Variants in MCOLN1 observed in about 807,000 individuals in gnomAD.
MCOLN1 encodes mucolipin-1.
MCOLN1 carries 50 observed loss-of-function variants against 70.3 expected under a neutral mutation model. The ratio of observed to expected loss-of-function variants is 0.71; its 90% CI spans 0.57 to 0.90. MCOLN1 has a LOEUF of 0.90. Among genes scored for constraint, MCOLN1 ranks in the 40% least tolerant of loss-of-function variants. The pLI, the probability that MCOLN1 is intolerant of heterozygous loss-of-function variation, is 0.00. For synonymous variants in MCOLN1, 366 were observed against 341.0 expected, an observed-to-expected ratio of 1.07 and a Z score of -0.81; for missense variants, 598 against 803.5, an observed-to-expected ratio of 0.74 and a Z score of 3.09.
intron 12 of MCOLN1, among the ~76,000 whole-genome samples, chr19:7,531,209 T>C (rs2022649319): frequency 6.7e-6 from 1 of 149,986 alleles, no homozygotes; most frequent in Non-Finnish European, 1.5e-5. Flanking sequence ...ATTATTATTA[T>C]TTTTTTTTTG....
At position 7,530,514 on chromosome 19, in the gene MCOLN1, C is replaced by T. The variant is rs1375971976; in HGVS notation, c.1575+13C>T. ...CGACACCATCAAGGTCAGCCGCATGCACCCAGCCCTGAGCTCGGGCTCTGG... is the reference window on the plus strand; with the variant it reads ...CGACACCATCAAGGTCAGCCGCATGTACCCAGCCCTGAGCTCGGGCTCTGG... On this transcript the variant is annotated intron_variant, in intron 12 of 13. Coordinates refer to ENST00000264079, the MANE Select transcript of MCOLN1 (RefSeq NM_020533.3). The T allele has an allele frequency of 1.1e-5, 18 of 1,605,912 alleles. No homozygotes were observed. Among genetic ancestry groups the T allele is most frequent in the East Asian group, 4.5e-5 (2 of 44,876 alleles).
At position 7,525,074 on chromosome 19, in the gene MCOLN1, T is replaced by C; in HGVS notation, c.145T>C (p.Phe49Leu). Reference protein sequence around the residue: ...EDLRRRLKYFFMSPCDKFRAK... With the variant: ...EDLRRRLKYFLMSPCDKFRAK... The stretch of plus-strand genomic sequence containing the variant: ...CCTTCGCCGTCGTCTCAAATACTTT[T>C]TCATGAGTCCCTGCGACAAGTTTCG... The change falls in exon 2 of 14, where the codon TTC becomes CTC. Residue 49 changes from phenylalanine (F) to leucine (L), a missense_variant. By Grantham distance (22) the Phe-to-Leu change is conservative (BLOSUM62 0). This residue lies in a region of MCOLN1 where 461 missense variants were observed against 588.4 expected (regional missense o/e 0.78). Transcript: ENST00000264079. This position sits in a 1 kb window ranked among gnomAD's most constrained non-coding sequence, Gnocchi z 4.2. 5.0e-6 allele frequency: 8 copies of C among 1,614,166 alleles called. No homozygotes were observed. The highest frequency in any genetic ancestry group is 1.1e-5 in the South Asian group (1 of 91,080).
chr19:7,527,783 G>A, intron 5 of MCOLN1, 81 bp from the exon 6 acceptor site: 1 of 1,257,202 alleles, frequency 8.0e-7, no homozygotes, highest in Non-Finnish European at 1.2e-6. Flanking sequence ...TGCAGAGTCA[G>A]CACGTGGCAG....
chr19:7,523,745 A>C (rs559678445), intron 1 of MCOLN1, among the ~76,000 whole-genome samples: 45 of 152,302 alleles, frequency 3.0e-4, no homozygotes, highest in African/African-American at 1.0e-3. Flanking sequence ...AAAAATAAAC[A>C]GTGATTAGAA....
chr19:7,528,820 G>A lies in MCOLN1; in HGVS notation c.985-1G>A. ...GCCCTCACCCCGCCTGCCTTCTGCA[G>A]GAGTTTGTGGGGTTCATGTGGCGGC... On this transcript the variant is annotated splice_acceptor_variant, in intron 8 of 13. Transcript: ENST00000264079. LOFTEE classifies it high-confidence loss of function. This position sits in a 1 kb window ranked among gnomAD's most constrained non-coding sequence, Gnocchi z 4.2. The A allele has an allele frequency of 6.2e-7, 1 of 1,614,246 alleles. No homozygotes were observed. The highest frequency in any genetic ancestry group is 8.5e-7 in the Non-Finnish European group (1 of 1,180,022).
chr19:7,526,399 C>T lies in MCOLN1; in HGVS notation c.238-40C>T, dbSNP rs763159155. 2 of 1,613,306 alleles carry T rather than the reference C, an allele frequency of 1.2e-6. No individual in the cohort carries two copies. Among genetic ancestry groups the T allele is most frequent in the South Asian group, 2.2e-5 (2 of 91,052 alleles). On this transcript the variant is annotated intron_variant, in intron 2 of 13. Coordinates refer to ENST00000264079, the MANE Select transcript of MCOLN1 (RefSeq NM_020533.3). This position sits in a 1 kb window ranked among gnomAD's most constrained non-coding sequence, Gnocchi z 4.6. ...GCCCTGAGGGAGATACACCCCAACCCCCATCCTAGCCATGCCAACCTCTAC... is the reference window on the plus strand; with the variant it reads ...GCCCTGAGGGAGATACACCCCAACCTCCATCCTAGCCATGCCAACCTCTAC...
At position 7,522,719 on chromosome 19, in the gene MCOLN1, T is replaced by C; in HGVS notation, c.-32T>C. ...CGATCGGACCCAGGCTGCCCCGCCG[T>C]ACCCGCCTGCGTCCCGCGCTCCCGC... is the stretch of plus-strand genomic sequence containing the variant. On this transcript the variant is annotated 5_prime_UTR_variant, in exon 1 of 14. Coordinates refer to ENST00000264079, the MANE Select transcript of MCOLN1 (RefSeq NM_020533.3). 2.1e-6 allele frequency: 3 copies of C among 1,451,944 alleles called. No homozygotes were observed. The highest frequency in any genetic ancestry group is 2.7e-5 in the South Asian group (2 of 74,050). 89.9% of individuals were successfully genotyped at this position (1,451,944 alleles called of 1,614,324 possible).
At position 7,524,977 on chromosome 19, in the gene MCOLN1, G is replaced by C. The variant is rs776627554; in HGVS notation, c.48G>C (p.Leu16=). 14 of 1,613,644 alleles carry C rather than the reference G, an allele frequency of 8.7e-6. 1 individual carries two copies. The Middle Eastern group carries it at 6.7e-4, about 77-fold the overall frequency. The change falls in exon 2 of 14, where the codon CTG becomes CTC. Residue 16 remains leucine, a synonymous_variant. Coordinates refer to ENST00000264079, the MANE Select transcript of MCOLN1 (RefSeq NM_020533.3). This position sits in a 1 kb window ranked among gnomAD's most constrained non-coding sequence, Gnocchi z 4.1. ...GPRGSETERL[L]TPNPGYGTQA... ...TTCCCACAGAGACCGAGCGGCTTCTGACCCCCAACCCCGGGTATGGGACCC... is the reference window on the plus strand; with the variant it reads ...TTCCCACAGAGACCGAGCGGCTTCTCACCCCCAACCCCGGGTATGGGACCC...
chr19:7,530,470 C>T lies in MCOLN1; in HGVS notation c.1544C>T (p.Ala515Val), dbSNP rs151300825. The change falls in exon 12 of 14, where the codon GCG becomes GTG. Residue 515 changes from alanine (A) to valine (V), a missense_variant. Ala to Val is a moderately conservative substitution (Grantham distance 64, BLOSUM62 0). Coordinates refer to ENST00000264079, the MANE Select transcript of MCOLN1 (RefSeq NM_020533.3). ...FIYMVLSLFI[A>V]LITGAYDTIK... The stretch of plus-strand genomic sequence containing the variant: ...TACATGGTGCTCAGCCTCTTCATCG[C>T]GCTCATCACCGGCGCCTACGACACC... 28 of 1,611,644 alleles carry T rather than the reference C, an allele frequency of 1.7e-5. No individual in the cohort carries two copies. The highest frequency in any genetic ancestry group is 5.3e-5 in the African/African-American group (4 of 74,936).
Position 7,528,264 on chromosome 19 carries a change from C to T in MCOLN1, c.877+7C>T, listed in dbSNP as rs750775589. The T allele has an allele frequency of 1.2e-6, 2 of 1,613,228 alleles. No individual in the cohort carries two copies. The highest frequency in any genetic ancestry group is 2.2e-5 in the East Asian group (1 of 44,858). On this transcript the variant is annotated splice_region_variant and intron_variant, in intron 7 of 13. Transcript: ENST00000264079. The surrounding 1 kb of genome is among the most constrained non-coding windows in gnomAD (Gnocchi z 4.2). ...CCCAGTGTCTTCCAGCACGGTGAGC[C>T]CCTGAGCCCCAGACCAGCACTGACC...
chr19:7,529,253 C>A, intron 10 of MCOLN1, 51 bp downstream of exon 10: 1 of 1,497,126 alleles, frequency 6.7e-7, no homozygotes, highest in Non-Finnish European at 9.2e-7. Context: ...TCCACACCCT[C>A]CAAATAAATC....
rs764530931 is a variant in MCOLN1 at position 7,533,527 on chromosome 19, C to G, written c.1580C>G (p.Pro527Arg). The G allele has an allele frequency of 5.0e-6, 8 of 1,610,772 alleles. No homozygotes were observed. The African/African-American group carries it at 1.1e-4, about 22-fold the overall frequency. The change falls in exon 13 of 14, where the codon CCC becomes CGC. Residue 527 changes from proline to arginine, a missense_variant. By Grantham distance (103) the Pro-to-Arg change is moderately radical. This residue lies in a region of MCOLN1 where 78 missense variants were observed against 156.2 expected (regional missense o/e 0.50). Coordinates refer to ENST00000264079, the MANE Select transcript of MCOLN1 (RefSeq NM_020533.3). Reference protein sequence around the residue: ...ITGAYDTIKHPGGAGAEESEL... With the variant: ...ITGAYDTIKHRGGAGAEESEL... The stretch of plus-strand genomic sequence containing the variant: ...CCTCCCGGCTTCTCTCCCCAGCATC[C>G]CGGCGGCGCAGGCGCAGAGGAGAGC...
chr19:7,524,905 A>G lies in MCOLN1; in HGVS notation c.32-56A>G. On this transcript the variant is annotated intron_variant, in intron 1 of 13. Transcript: ENST00000264079. The surrounding 1 kb of genome is among the most constrained non-coding windows in gnomAD (Gnocchi z 4.1). ...GTGTGCTGCCTTCCTGGTTGGAGAA[A>G]GGGGAAAAGGGGAGTTGCCCAGGCC... The G allele has an allele frequency of 2.8e-6, 4 of 1,434,926 alleles. No individual in the cohort carries two copies. Among genetic ancestry groups the G allele is most frequent in the Non-Finnish European group, 3.9e-6 (4 of 1,021,076 alleles). The allele number at this position is 1,434,926 out of a possible 1,614,324, so 88.9% of individuals were successfully genotyped here.
intron 10 of MCOLN1, 67 bp from the exon 11 acceptor site, chr19:7,529,523 C>CCCA: frequency 2.6e-5 from 30 of 1,156,230 alleles, no homozygotes; most frequent in Non-Finnish European, 3.1e-5. Flanking sequence ...CCACCCCCAT[C>CCCA]TGGGTGCCCA....
Position 7,524,785 on chromosome 19 carries a change from G to A in MCOLN1, c.32-176G>A, listed in dbSNP as rs867749170. On this transcript the variant is annotated intron_variant, in intron 1 of 13. Coordinates refer to ENST00000264079, the MANE Select transcript of MCOLN1 (RefSeq NM_020533.3). The surrounding 1 kb of genome is among the most constrained non-coding windows in gnomAD (Gnocchi z 4.1). ...AACTCATAACCTCTGAGCAGGACGG[G>A]TGCATAGATACCTACAATGTCACAG... is the stretch of plus-strand genomic sequence containing the variant. Among the ~76,000 whole-genome samples the A allele has an allele frequency of 2.6e-5, 4 of 152,308 alleles. No individual in the cohort carries two copies. The Middle Eastern group carries it at 0.01, about 389-fold the overall frequency.
At chr19:7,531,943 G>T (rs1450610347) in intron 12 of MCOLN1, among the ~76,000 whole-genome samples, 1 of 152,214 alleles carries the variant, frequency 6.6e-6, no homozygotes, top group African/African-American at 2.4e-5. Flanking sequence ...TGGGATTACG[G>T]GCGTGAGCCA....
chr19:7,533,729 A>T (rs2022708166), intron 13 of MCOLN1, 30 bp from the exon 14 acceptor site: 1 of 1,614,110 alleles, frequency 6.2e-7, no homozygotes, highest in Non-Finnish European at 8.5e-7. Flanking sequence ...GAGAAAACTG[A>T]CGCCCCTCTT....
At chr19:7,529,510 C>CCCCCCCCCCCCAGGGGGG in intron 10 of MCOLN1, 80 bp from the exon 11 acceptor site, 3 of 912,888 alleles carry the variant, frequency 3.3e-6, no homozygotes, top group East Asian at 2.8e-5. Flanking sequence ...GGCCCCGCCC[C>CCCCCCCCCCCCAGGGGGG]TCCCACCCCC....
chr19:7,530,350 T>G lies in MCOLN1; in HGVS notation c.1424T>G (p.Val475Gly). The change falls in exon 12 of 14, where the codon GTG (valine) becomes GGG (glycine). Residue 475 changes from valine (V) to glycine (G), a missense_variant. Val to Gly is a moderately radical substitution (Grantham distance 109, BLOSUM62 -3). Coordinates refer to ENST00000264079, the MANE Select transcript of MCOLN1 (RefSeq NM_020533.3). The part of the protein sequence containing the change: ...FSLINGDDMF[V>G]TFAAMQAQQG... Reference sequence around the variant, plus strand: ...CTCATCAATGGGGACGACATGTTTGTGACGTTCGCCGCCATGCAGGCGCAG... The same window carrying G: ...CTCATCAATGGGGACGACATGTTTGGGACGTTCGCCGCCATGCAGGCGCAG... The G allele has an allele frequency of 6.2e-7, 1 of 1,613,928 alleles. No individual in the cohort carries two copies. The highest frequency in any genetic ancestry group is 8.5e-7 in the Non-Finnish European group (1 of 1,180,040).
Sources: gnomAD v4.1 joint callset for allele counts (sites outside exome capture counted in the v4.1 genomes callset) on GRCh38, gnomAD v4.1.1 for gene constraint, gnomAD v4.1.1 regional missense constraint, Gnocchi (gnomAD v3.1) non-coding constraint, MANE v1.5 for transcripts, NCBI Gene and HGNC (gene_info 2026-07-23, HGNC 2026-07-21) for gene names.